NFIB: variants seen among roughly 807,000 people sequenced by gnomAD.
NFIB encodes the protein nuclear factor I B, also known as nuclear factor 1 B-type.
NFIB carries 11 observed loss-of-function variants against 61.5 expected under a neutral mutation model. The observed-to-expected ratio is 0.18, with a 90% CI of 0.11 to 0.30. NFIB has a LOEUF of 0.30. Ranked by LOEUF, NFIB falls within the 10% of genes least tolerant of loss-of-function variation. The pLI is 1.00. For missense variants in NFIB, 471 were observed against 608.9 expected (o/e 0.77, Z 2.38); for synonymous variants, 260 against 216.5 (o/e 1.20, Z -1.76).
At position 14,227,562 on chromosome 9, in the gene NFIB, T is replaced by G. The variant is rs58141005; in HGVS notation, c.563-47782A>C. Among the ~76,000 whole-genome samples the G allele has an allele frequency of 4.2e-3, 647 of 152,344 alleles. 3 individuals are homozygous for G. The highest frequency in any genetic ancestry group is 0.014 in the African/African-American group (601 of 41,592). ...TTATTTTCCCTGAACCTAAGTAATA[T>G]GAATACTGGCATGAAAATTTACAAC... is the stretch of plus-strand genomic sequence containing the variant. On this transcript the variant is annotated intron_variant, in intron 2 of 10. Transcript: ENST00000380953.
chr9:14,102,963 G>GT (rs2035993507), intron 10 of NFIB, among the ~76,000 whole-genome samples: 1 of 152,208 alleles, frequency 6.6e-6, no homozygotes, highest in Non-Finnish European at 1.5e-5. Context: ...GTTTAGAGGA[G>GT]AAAAGGCCCA....
At chr9:14,324,650 G>A (rs2060731076) in intron 1 of NFIB, among the ~76,000 whole-genome samples, 5 of 152,116 alleles carry the variant, frequency 3.3e-5, no homozygotes. Flanking sequence ...ATGACTTGGA[G>A]GAATCCAGAG....
At chr9:14,380,606 A>C (rs144254914) in intron 1 of NFIB, among the ~76,000 whole-genome samples, 71 of 152,328 alleles carry the variant, frequency 4.7e-4, no homozygotes, top group African/African-American at 1.7e-3. Flanking sequence ...TACAGGAAGC[A>C]GCTGTCTAAT....
chr9:14,292,497 C>T (rs1268768799), intron 2 of NFIB, among the ~76,000 whole-genome samples: 1 of 152,186 alleles, frequency 6.6e-6, no homozygotes, highest in African/African-American at 2.4e-5. Context: ...TTAAGTATTG[C>T]TTACTATGAA....
At chr9:14,092,039 G>C (rs559878258) in intron 10 of NFIB, among the ~76,000 whole-genome samples, 1 of 152,244 alleles carries the variant, frequency 6.6e-6, no homozygotes, top group Non-Finnish European at 1.5e-5. Flanking sequence ...GAATTATTTA[G>C]AGCTTAAGAT....
At chr9:14,275,333 TTACTC>T (rs1166918212) in intron 2 of NFIB, among the ~76,000 whole-genome samples, 2 of 152,194 alleles carry the variant, frequency 1.3e-5, no homozygotes, top group Non-Finnish European at 2.9e-5. Context: ...CAACATTCTC[TTACTC>T]TAATCGTTGA....
the NFIB span, among the ~76,000 whole-genome samples, chr9:14,499,271 G>C: frequency 6.6e-6 from 1 of 152,146 alleles, no homozygotes; most frequent in African/African-American, 2.4e-5. Flanking sequence ...CTGGCTGAAA[G>C]GCTTGGGAAT....
At chr9:14,346,209 T>C (rs12343468) in intron 1 of NFIB, among the ~76,000 whole-genome samples, 47,187 of 150,988 alleles carry the variant, frequency 0.31, 7,948 homozygotes, top group Middle Eastern at 0.54. Flanking sequence ...TCTCCTGATG[T>C]TCATGCGGAG....
chr9:14,263,810 G>C (rs1227948159), intron 2 of NFIB, among the ~76,000 whole-genome samples: 1 of 152,176 alleles, frequency 6.6e-6, no homozygotes, highest in Non-Finnish European at 1.5e-5. Context: ...AGTATATGGC[G>C]TAATCCGTGA....
At chr9:14,312,936 A>T (rs2060352355) in intron 1 of NFIB, among the ~76,000 whole-genome samples, 1 of 152,206 alleles carries the variant, frequency 6.6e-6, no homozygotes, top group Non-Finnish European at 1.5e-5. Context: ...CCCCAAATAA[A>T]GCAAAGGAAT....
At chr9:14,148,536 T>C (rs925754867) in intron 5 of NFIB, among the ~76,000 whole-genome samples, 4 of 152,220 alleles carry the variant, frequency 2.6e-5, no homozygotes, top group African/African-American at 7.2e-5. Context: ...GATTTCAGCA[T>C]TGAAATTGAC....
At chr9:14,244,483 A>G (rs2054680762) in intron 2 of NFIB, among the ~76,000 whole-genome samples, 1 of 152,184 alleles carries the variant, frequency 6.6e-6, no homozygotes, top group African/African-American at 2.4e-5. Flanking sequence ...AAAGAATTAC[A>G]TTTCTTCTGA....
At chr9:14,503,971 T>A in the NFIB span, among the ~76,000 whole-genome samples, 1 of 152,224 alleles carries the variant, frequency 6.6e-6, no homozygotes, top group Admixed American at 6.5e-5. Context: ...GATTTAAGTC[T>A]TTGATCCATC....
chr9:14,531,388 A>C, the NFIB span, among the ~76,000 whole-genome samples: 1 of 152,196 alleles, frequency 6.6e-6, no homozygotes. Flanking sequence ...AATTACGCTG[A>C]GTGGCATAGT....
chr9:14,131,586 A>C (rs1420751513), intron 6 of NFIB, among the ~76,000 whole-genome samples: 1 of 152,204 alleles, frequency 6.6e-6, no homozygotes, highest in Non-Finnish European at 1.5e-5. Flanking sequence ...ATATCTGTTC[A>C]AGTCAGCCCA....
At chr9:14,398,144 CAAAG>C (rs2061706173) in intron 1 of NFIB, among the ~76,000 whole-genome samples, 2 of 151,958 alleles carry the variant, frequency 1.3e-5, no homozygotes, top group African/African-American at 4.8e-5. Flanking sequence ...TATAAAAAAA[CAAAG>C]AAAGATACTT....
chr9:14,289,387 T>C (rs1485518161), intron 2 of NFIB, among the ~76,000 whole-genome samples: 1 of 151,600 alleles, frequency 6.6e-6, no homozygotes, highest in Non-Finnish European at 1.5e-5. Flanking sequence ...ATCACTGTCA[T>C]CTAAGAACTT....
chr9:14,152,316 T>C (rs2042953356), intron 4 of NFIB, among the ~76,000 whole-genome samples: 1 of 152,064 alleles, frequency 6.6e-6, no homozygotes, highest in South Asian at 2.1e-4. Context: ...ACAGCTAAAA[T>C]GTAGCTATGT....
At chr9:14,237,340 T>G (rs984707059) in intron 2 of NFIB, among the ~76,000 whole-genome samples, 5 of 152,182 alleles carry the variant, frequency 3.3e-5, no homozygotes, top group Admixed American at 3.3e-4. Flanking sequence ...CTCCAAGCTT[T>G]AGCCATTCTT....
Sources: gnomAD v4.1 joint callset for allele counts (sites outside exome capture counted in the v4.1 genomes callset) on GRCh38, gnomAD v4.1.1 for gene constraint, MANE v1.5 for transcripts, NCBI Gene and HGNC (gene_info 2026-07-23, HGNC 2026-07-21) for gene names.